The following ZNF274 variants were observed in gnomAD, a reference collection of about 807,000 sequenced individuals.
The protein encoded by ZNF274 is neurotrophin receptor-interacting factor homolog.
ZNF274 carries 23 observed loss-of-function variants against 42.5 expected under a neutral mutation model. The ratio of observed to expected loss-of-function variants is 0.54; its 90% confidence interval spans 0.39 to 0.77. The LOEUF is 0.77. Ranked by LOEUF, ZNF274 falls within the 30% of genes least tolerant of loss-of-function variation. The probability of loss-of-function intolerance (pLI) is 0.00; values close to 1 mark genes in which losing one functional copy is unlikely to be tolerated. For missense variants in ZNF274, 679 were observed against 806.5 expected (o/e 0.84, Z 1.91); for synonymous variants, 292 against 305.4 (o/e 0.96, Z 0.46).
In ZNF274 at chr19:58,212,674, T is replaced by G. The variant is rs1475196440; in HGVS notation, c.1493T>G (p.Ile498Arg). The G allele has an allele frequency of 3.3e-5, 53 of 1,613,910 alleles. No individual in the cohort carries two copies. The highest frequency in any genetic ancestry group is 4.4e-5 in the Non-Finnish European group (52 of 1,179,908). ...CGGAGTACTAAACAGATTACGTTTATAAGAATTCACAAGGGGAGCCAAGTT... is the reference window on the plus strand; with the variant it reads ...CGGAGTACTAAACAGATTACGTTTAGAAGAATTCACAAGGGGAGCCAAGTT... ...FSRSTKQITF[I>R]RIHKGSQVCR... is the part of the protein sequence containing the mutation. The change falls in exon 8 of 8, where the codon ATA becomes AGA. Residue 498 changes from isoleucine (I) to arginine (R), a missense_variant. Ile to Arg is a moderately conservative substitution (Grantham distance 97). Around this residue, in one of 2 missense-constraint regions of ZNF274, gnomAD observed 456 missense variants for 590.1 expected, o/e 0.77. Transcript: ENST00000617501. The surrounding 1 kb of genome is among the most constrained non-coding windows in gnomAD (Gnocchi z 4.6).
Position 58,212,892 on chromosome 19 carries a change from A to G in ZNF274, c.1711A>G (p.Thr571Ala). Residue 571 changes from threonine (T) to alanine (A), a missense_variant, in exon 8 of 8, where the codon ACC becomes GCC. Physicochemically the swap from Thr to Ala is moderately conservative, Grantham distance 58. Coordinates refer to ENST00000617501, the MANE Select transcript of ZNF274 (RefSeq NM_133502.3). The surrounding 1 kb of genome is among the most constrained non-coding windows in gnomAD (Gnocchi z 4.6). Reference sequence around the variant, plus strand: ...ATTTGAATGTCAGGAGTGTGGGAGGACCTTCAATGATCGCTCAGCCATCTC... The same window carrying G: ...ATTTGAATGTCAGGAGTGTGGGAGGGCCTTCAATGATCGCTCAGCCATCTC... ...RPFECQECGR[T>A]FNDRSAISQH... 1 of 1,613,960 alleles carries G rather than the reference A, an allele frequency of 6.2e-7. No homozygotes were observed. The highest frequency in any genetic ancestry group is 1.1e-5 in the South Asian group (1 of 91,074).
In ZNF274 at chr19:58,212,486, C is replaced by G; in HGVS notation, c.1305C>G (p.Asp435Glu). The change falls in exon 8 of 8, where the codon GAC (aspartate) becomes GAG (glutamate). Residue 435 changes from aspartate to glutamate, a missense_variant. Physicochemically the swap from Asp to Glu is conservative, Grantham distance 45. This residue lies in a region of ZNF274 where 456 missense variants were observed against 590.1 expected (regional missense o/e 0.77). Transcript: ENST00000617501. This position sits in a 1 kb window ranked among gnomAD's most constrained non-coding sequence, Gnocchi z 4.6. ...CCCAGGCAAACAGTGGCGCTCTTGACACAAACCAAGTTTTGCTCCACAAAA... is the reference window on the plus strand; with the variant it reads ...CCCAGGCAAACAGTGGCGCTCTTGAGACAAACCAAGTTTTGCTCCACAAAA... ...PESQANSGAL[D>E]TNQVLLHKIP... is the part of the protein sequence containing the mutation. The G allele has an allele frequency of 6.2e-7, 1 of 1,613,892 alleles. No individual in the cohort carries two copies. Among genetic ancestry groups the G allele is most frequent in the Non-Finnish European group, 8.5e-7 (1 of 1,179,884 alleles).
chr19:58,205,934 T>A (rs2075974613), intron 4 of ZNF274, among the ~76,000 whole-genome samples: 1 of 152,224 alleles, frequency 6.6e-6, no homozygotes, highest in African/African-American at 2.4e-5. Flanking sequence ...TATGGAGATA[T>A]AATTCACACA....
chr19:58,204,880 C>T (rs1416104572), intron 4 of ZNF274, among the ~76,000 whole-genome samples: 4 of 152,108 alleles, frequency 2.6e-5, no homozygotes, highest in Non-Finnish European at 4.4e-5. Flanking sequence ...GCCACGGTCC[C>T]TTGTGTTCTG....
intron 4 of ZNF274, among the ~76,000 whole-genome samples, chr19:58,192,243 A>G (rs2075786066): frequency 2.0e-5 from 3 of 152,304 alleles, no homozygotes. Context: ...GGGATGTGAC[A>G]TTGCTTTTCA....
In ZNF274 at chr19:58,183,431, G is replaced by T. The variant is rs1173397299; in HGVS notation, c.-57G>T. 1 of 152,356 alleles carries T rather than the reference G, an allele frequency of 6.6e-6. No individual in the cohort carries two copies. The highest frequency in any genetic ancestry group is 1.9e-4 in the East Asian group (1 of 5,182). The allele number at this position is 152,356 out of a possible 1,614,324, so 9.4% of individuals were successfully genotyped here. A position where few individuals can be genotyped will look rare whatever the true frequency, so the allele number is the denominator to read the frequency against. On this transcript the variant is annotated 5_prime_UTR_variant, in exon 1 of 8. Transcript: ENST00000617501. ...CGCCGGCCGACGGGCGCCATTGTGC[G>T]GCGCGCGCCGGGTGAGTGCCGCGCG...
chr19:58,211,543 C>T lies in ZNF274; in HGVS notation c.853-17C>T, dbSNP rs771711325. 2 of 1,608,722 alleles carry T rather than the reference C, an allele frequency of 1.2e-6. No individual in the cohort carries two copies. The highest frequency in any genetic ancestry group is 1.7e-6 in the Non-Finnish European group (2 of 1,176,816). Reference sequence around the variant, plus strand: ...CTGACCCTCTTGCTGAGCATAGACACATATGTGATGTTACAGGAGCCAGTG... The same window carrying T: ...CTGACCCTCTTGCTGAGCATAGACATATATGTGATGTTACAGGAGCCAGTG... On this transcript the variant is annotated splice_polypyrimidine_tract_variant and intron_variant, in intron 6 of 7. Coordinates refer to ENST00000617501, the MANE Select transcript of ZNF274 (RefSeq NM_133502.3). The surrounding 1 kb of genome is among the most constrained non-coding windows in gnomAD (Gnocchi z 4.8).
intron 2 of ZNF274, chr19:58,184,443 A>G (rs1456949625): frequency 6.4e-6 from 1 of 156,314 alleles, no homozygotes; most frequent in Non-Finnish European, 1.4e-5. Flanking sequence ...GGCGTGTGCC[A>G]CCATACCCAG....
chr19:58,183,797 C>T lies in ZNF274; in HGVS notation c.-45-124C>T, dbSNP rs1170431886. ...TGGGAGTCCTATGACTCACTCTGGG[C>T]GTTTTCCAGTTTGGGTGGACTTGTC... On this transcript the variant is annotated intron_variant, in intron 1 of 7. Coordinates refer to ENST00000617501, the MANE Select transcript of ZNF274 (RefSeq NM_133502.3). 7 of 632,668 alleles carry T rather than the reference C, an allele frequency of 1.1e-5. No homozygotes were observed. In the Admixed American group the frequency reaches 2.0e-4, roughly 18 times the overall value. 39.2% of individuals were successfully genotyped at this position (632,668 alleles called of 1,614,324 possible).
intron 4 of ZNF274, among the ~76,000 whole-genome samples, chr19:58,190,101 C>T (rs375144265): frequency 3.4e-5 from 5 of 147,126 alleles, no homozygotes; most frequent in South Asian, 4.3e-4. Context: ...CCAGCCTAGG[C>T]GACAGAGCAA....
chr19:58,209,265 C>G (rs1052915119), intron 5 of ZNF274: 27 of 152,206 alleles, frequency 1.8e-4, no homozygotes, highest in Admixed American at 1.4e-3. Flanking sequence ...TGTGTTCATC[C>G]CAGATCTAAT....
At position 58,207,058 on chromosome 19, in the gene ZNF274, C is replaced by T. The variant is rs774644765; in HGVS notation, c.595C>T (p.Gln199Ter). ...WLQPKARSKE[Q>*]ILELLVLEQF... Reference sequence around the variant, plus strand: ...ACAGCCTAAGGCACGCTCCAAGGAGCAGATCCTGGAGCTGCTGGTGCTGGA... The same window carrying T: ...ACAGCCTAAGGCACGCTCCAAGGAGTAGATCCTGGAGCTGCTGGTGCTGGA... The change falls in exon 5 of 8, where the codon CAG becomes TAG. Residue 199 changes from glutamine (Q) to a stop codon, truncating the protein, a stop_gained. Coordinates refer to ENST00000617501, the MANE Select transcript of ZNF274 (RefSeq NM_133502.3). LOFTEE classifies it high-confidence loss of function. This position sits in a 1 kb window ranked among gnomAD's most constrained non-coding sequence, Gnocchi z 5.6. 1.2e-6 allele frequency: 2 copies of T among 1,613,678 alleles called. No individual in the cohort carries two copies. Among genetic ancestry groups the T allele is most frequent in the East Asian group, 2.2e-5 (1 of 44,866 alleles).
At chr19:58,194,177 A>G (rs2075810466) in intron 4 of ZNF274, among the ~76,000 whole-genome samples, 1 of 151,988 alleles carries the variant, frequency 6.6e-6, no homozygotes, top group Non-Finnish European at 1.5e-5. Flanking sequence ...GCAGTGCACC[A>G]CTGCACTCCA....
chr19:58,212,774 A>C lies in ZNF274; in HGVS notation c.1593A>C (p.Gly531=). ...CTGTGCATAAGAAAATCCATACCGG[A>C]GAGAGGCCCTATGTGTGTCAAGACT... The part of the protein sequence containing the change: ...YFSVHKKIHT[G]ERPYVCQDCG... Residue 531 remains glycine, a synonymous_variant, in exon 8 of 8, where the codon GGA becomes GGC. Transcript: ENST00000617501. This position sits in a 1 kb window ranked among gnomAD's most constrained non-coding sequence, Gnocchi z 4.6. 6.2e-7 allele frequency: 1 copy of C among 1,614,038 alleles called. No homozygotes were observed. The highest frequency in any genetic ancestry group is 1.3e-5 in the African/African-American group (1 of 75,066).
chr19:58,199,051 C>T (rs913359979), intron 4 of ZNF274, among the ~76,000 whole-genome samples: 9 of 151,860 alleles, frequency 5.9e-5, no homozygotes, highest in South Asian at 4.2e-4. Context: ...CTGGGGTGCG[C>T]ACCTCTGAAA....
intron 4 of ZNF274, among the ~76,000 whole-genome samples, chr19:58,196,973 G>A (rs1321824845): frequency 1.3e-5 from 2 of 152,178 alleles, no homozygotes; most frequent in African/African-American, 2.4e-5. Context: ...AAGACTTCTG[G>A]CCTAACTCAG....
rs1023136492 is a variant in ZNF274 at position 58,207,560 on chromosome 19, T to C, written c.739+358T>C. Among the ~76,000 whole-genome samples, 1 of 151,984 alleles carries C rather than the reference T, an allele frequency of 6.6e-6. No individual in the cohort carries two copies. Among genetic ancestry groups the C allele is most frequent in the South Asian group, 2.1e-4 (1 of 4,808 alleles). On this transcript the variant is annotated intron_variant, in intron 5 of 7. Coordinates refer to ENST00000617501, the MANE Select transcript of ZNF274 (RefSeq NM_133502.3). The surrounding 1 kb of genome is among the most constrained non-coding windows in gnomAD (Gnocchi z 5.6). ...CAGGGATTTGACAAATGAGAATGCA[T>C]AGAAAAATGCTGGGACTATGAGGAG...
Position 58,212,189 on chromosome 19 carries a change from G to T in ZNF274, c.1008G>T (p.Glu336Asp). 1 of 1,609,064 alleles carries T rather than the reference G, an allele frequency of 6.2e-7. No individual in the cohort carries two copies. The highest frequency in any genetic ancestry group is 1.1e-5 in the South Asian group (1 of 90,960). Residue 336 changes from glutamate (E) to aspartate (D), a missense_variant, in exon 8 of 8, where the codon GAG (glutamate) becomes GAT (aspartate). Around this residue, in one of 2 missense-constraint regions of ZNF274, gnomAD observed 456 missense variants for 590.1 expected, o/e 0.77. Coordinates refer to ENST00000617501, the MANE Select transcript of ZNF274 (RefSeq NM_133502.3). This position sits in a 1 kb window ranked among gnomAD's most constrained non-coding sequence, Gnocchi z 4.6. ...VGWETTLENK[E>D]LAPNSDIPEE... Reference sequence around the variant, plus strand: ...GGGAGACTACACTGGAAAATAAAGAGTTAGCTCCAAATTCTGACATTCCTG... The same window carrying T: ...GGGAGACTACACTGGAAAATAAAGATTTAGCTCCAAATTCTGACATTCCTG...
At position 58,213,257 on chromosome 19, in the gene ZNF274, A is replaced by G; in HGVS notation, c.*114A>G. ...TGAAAGGGAAGTATTGAGTGAGGACATTCCCAAAACCAAAGGACAACTGAG... is the reference window on the plus strand; with the variant it reads ...TGAAAGGGAAGTATTGAGTGAGGACGTTCCCAAAACCAAAGGACAACTGAG... On this transcript the variant is annotated 3_prime_UTR_variant, in exon 8 of 8. Coordinates refer to ENST00000617501, the MANE Select transcript of ZNF274 (RefSeq NM_133502.3). The G allele has an allele frequency of 7.1e-7, 1 of 1,406,928 alleles. No individual in the cohort carries two copies. The highest frequency in any genetic ancestry group is 1.9e-4 in the Middle Eastern group (1 of 5,394). 87.2% of individuals were successfully genotyped at this position (1,406,928 alleles called of 1,614,324 possible). A position where few individuals can be genotyped will look rare whatever the true frequency, so the allele number is the denominator to read the frequency against.
Sources: allele counts gnomAD v4.1 joint callset (sites outside exome capture counted in the v4.1 genomes callset), GRCh38; gene constraint gnomAD v4.1.1; regional missense constraint gnomAD v4.1.1; non-coding constraint Gnocchi (gnomAD v3.1); transcripts MANE v1.5; gene names NCBI Gene and HGNC (gene_info 2026-07-23, HGNC 2026-07-21).